The following OR9Q1 variants were observed in gnomAD, a reference collection of about 807,000 sequenced individuals.
OR9Q1 encodes the protein olfactory receptor family 9 subfamily Q member 1.
For synonymous variants in OR9Q1, 153 were observed against 148.6 expected, an observed-to-expected ratio of 1.03 and a Z score of -0.22; for missense variants, 374 against 378.8, an observed-to-expected ratio of 0.99 and a Z score of 0.11.
chr11:58,119,440 G>A, intron 2 of OR9Q1: 3 of 1,592,988 alleles, frequency 1.9e-6, no homozygotes, highest in Non-Finnish European at 2.6e-6. Flanking sequence ...ATTATTCTTG[G>A]CCATGGAGAC....
rs1171341559 is a variant in OR9Q1 at position 58,180,413 on chromosome 11, A to G, written c.*36A>G. 7.5e-7 allele frequency: 1 copy of G among 1,325,426 alleles called. No individual in the cohort carries two copies. The highest frequency in any genetic ancestry group is 2.3e-5 in the East Asian group (1 of 43,056). 82.1% of individuals were successfully genotyped at this position (1,325,426 alleles called of 1,614,324 possible). The stretch of plus-strand genomic sequence containing the variant: ...ACTTGGAAAATCCCGAGAACCACCT[A>G]CTCTGTAGTGTCAGAATTCTGGACG... On this transcript the variant is annotated 3_prime_UTR_variant, in exon 3 of 3. Coordinates refer to ENST00000335397, the MANE Select transcript of OR9Q1 (RefSeq NM_001005212.4).
chr11:58,098,276 CTT>C, intron 2 of OR9Q1, among the ~76,000 whole-genome samples: 1 of 152,198 alleles, frequency 6.6e-6, no homozygotes, highest in South Asian at 2.1e-4. Context: ...ATATATGACT[CTT>C]TAACAGATAT....
intron 2 of OR9Q1, among the ~76,000 whole-genome samples, chr11:58,093,893 C>T (rs1048471633): frequency 5.9e-5 from 9 of 151,374 alleles, no homozygotes; most frequent in Admixed American, 5.9e-4. Flanking sequence ...GAAGATTTCT[C>T]AAAGAACTAA....
At chr11:58,068,807 G>T (rs1853458932) in intron 2 of OR9Q1, among the ~76,000 whole-genome samples, 1 of 152,130 alleles carries the variant, frequency 6.6e-6, no homozygotes, top group Admixed American at 6.5e-5. Context: ...AGAGCAGTTT[G>T]GTGGGGGGCA....
At chr11:58,169,316 T>C (rs575749251) in intron 2 of OR9Q1, among the ~76,000 whole-genome samples, 1 of 152,208 alleles carries the variant, frequency 6.6e-6, no homozygotes, top group Non-Finnish European at 1.5e-5. Flanking sequence ...TCTTTGGATC[T>C]GAAGGCTTAA....
At chr11:58,110,105 G>A (rs1853885036) in intron 2 of OR9Q1, among the ~76,000 whole-genome samples, 1 of 152,148 alleles carries the variant, frequency 6.6e-6, no homozygotes, top group African/African-American at 2.4e-5. Flanking sequence ...TGTGAATGGT[G>A]CCTCCAGGGT....
At chr11:58,137,109 G>A (rs912401204) in intron 2 of OR9Q1, among the ~76,000 whole-genome samples, 1 of 152,136 alleles carries the variant, frequency 6.6e-6, no homozygotes, top group Non-Finnish European at 1.5e-5. Context: ...TGTGGCAAAT[G>A]GGCAATTTTA....
intron 2 of OR9Q1, among the ~76,000 whole-genome samples, chr11:58,144,185 C>T (rs866828147): frequency 2.3e-5 from 3 of 130,902 alleles, no homozygotes; most frequent in Non-Finnish European, 3.2e-5. Context: ...CCCCTCCCCC[C>T]ACCCCACAAC....
chr11:58,152,292 ATAATAT>A (rs1428982928), intron 2 of OR9Q1, among the ~76,000 whole-genome samples: 3 of 152,188 alleles, frequency 2.0e-5, no homozygotes, highest in Non-Finnish European at 4.4e-5. Context: ...TAATTCACAG[ATAATAT>A]TAGTATATAT....
chr11:58,127,408 C>T lies in OR9Q1; in HGVS notation c.-14-52023C>T, dbSNP rs188519183. On this transcript the variant is annotated intron_variant, in intron 2 of 2. Transcript: ENST00000335397. ...GTGAATGAAACAGGAAATAGCTAAG[C>T]AAAGATGTAGGATGTAGTTTCAGCT... Among the ~76,000 whole-genome samples the T allele has an allele frequency of 1.9e-4, 29 of 152,286 alleles. No homozygotes were observed. The East Asian group carries it at 4.1e-3, about 21-fold the overall frequency.
intron 2 of OR9Q1, among the ~76,000 whole-genome samples, chr11:58,163,287 T>C (rs549569917): frequency 6.6e-6 from 1 of 152,308 alleles, no homozygotes; most frequent in South Asian, 2.1e-4. Context: ...GCAGGAAATA[T>C]GTGTGTGTAT....
At chr11:58,097,799 G>A (rs529851820) in intron 2 of OR9Q1, among the ~76,000 whole-genome samples, 4 of 152,336 alleles carry the variant, frequency 2.6e-5, no homozygotes, top group Non-Finnish European at 4.4e-5. Flanking sequence ...AATGGTGCAT[G>A]CAACAACATG....
intron 2 of OR9Q1, chr11:58,125,503 T>A: frequency 6.6e-6 from 1 of 152,224 alleles, no homozygotes; most frequent in East Asian, 1.9e-4. Context: ...AAGCATTTTG[T>A]AGAAAGCAGC....
intron 2 of OR9Q1, among the ~76,000 whole-genome samples, chr11:58,090,562 G>T (rs528928819): frequency 6.6e-6 from 1 of 152,148 alleles, no homozygotes; most frequent in Non-Finnish European, 1.5e-5. Flanking sequence ...TTTTATTGCA[G>T]ATTTTTGCAT....
chr11:58,113,739 G>A (rs1194754997), intron 2 of OR9Q1, among the ~76,000 whole-genome samples: 6 of 152,098 alleles, frequency 3.9e-5, no homozygotes, highest in African/African-American at 1.4e-4. Context: ...GTGCCTTTCT[G>A]TGCCTGTTTT....
chr11:58,107,813 G>C (rs927173998), intron 2 of OR9Q1, among the ~76,000 whole-genome samples: 15 of 152,148 alleles, frequency 9.9e-5, no homozygotes, highest in African/African-American at 3.4e-4. Context: ...CAGCAATATA[G>C]AAGAGAGTAT....
At chr11:58,162,695 T>G (rs1041008925) in intron 2 of OR9Q1, among the ~76,000 whole-genome samples, 1 of 152,160 alleles carries the variant, frequency 6.6e-6, no homozygotes, top group Non-Finnish European at 1.5e-5. Flanking sequence ...ATTCATATAT[T>G]TTGAGTGCTT....
chr11:58,034,735 T>TTTCCTTCC (rs71454309), intron 1 of OR9Q1, among the ~76,000 whole-genome samples: 20,442 of 111,374 alleles, frequency 0.18, 2,314 homozygotes, highest in Non-Finnish European at 0.21. Context: ...GGTTTCTTTC[T>TTTCCTTCC]TTCCTTCCTT....
At chr11:58,044,294 A>G (rs1853195102) in intron 1 of OR9Q1, 1 of 152,206 alleles carries the variant, frequency 6.6e-6, no homozygotes, top group African/African-American at 2.4e-5. Context: ...CCCTCTGACC[A>G]AGAACCAGCC....
Sources: gnomAD v4.1 joint callset for allele counts (sites outside exome capture counted in the v4.1 genomes callset) on GRCh38, gnomAD v4.1.1 for gene constraint, MANE v1.5 for transcripts, NCBI Gene and HGNC (gene_info 2026-07-23, HGNC 2026-07-21) for gene names.